Variants in TMEM132C observed in about 807,000 individuals in gnomAD.
TMEM132C encodes the protein transmembrane protein 132C, also known as protein phosphatase 1, regulatory subunit 152.
In TMEM132C, 29 loss-of-function variants were observed where a neutral mutation model predicts 61.4. The ratio of observed to expected loss-of-function variants is 0.47; its 90% CI spans 0.35 to 0.64. The LOEUF (loss-of-function observed/expected upper bound fraction) is 0.64. Among genes scored for constraint, TMEM132C ranks in the 30% least tolerant of loss-of-function variants. The pLI, the probability that TMEM132C is intolerant of heterozygous loss-of-function variation, is 0.00. For missense variants in TMEM132C, 1,408 were observed against 1,476.9 expected (o/e 0.95, Z 0.76); for synonymous variants, 656 against 633.1 (o/e 1.04, Z -0.54).
chr12:128,681,077 C>T (rs1244783237), intron 5 of TMEM132C, among the ~76,000 whole-genome samples: 1 of 152,128 alleles, frequency 6.6e-6, no homozygotes, highest in Non-Finnish European at 1.5e-5. Flanking sequence ...TCCTATCATT[C>T]CTGTCCCACT....
At chr12:128,627,537 A>G (rs898870772) in intron 4 of TMEM132C, among the ~76,000 whole-genome samples, 2 of 152,046 alleles carry the variant, frequency 1.3e-5, no homozygotes, top group African/African-American at 4.8e-5. Flanking sequence ...CTCCCACCAG[A>G]CACTCCCTGG....
chr12:128,645,525 C>A (rs1388542420), intron 4 of TMEM132C, among the ~76,000 whole-genome samples: 3 of 152,186 alleles, frequency 2.0e-5, no homozygotes, highest in African/African-American at 7.2e-5. Context: ...CCCCCAAATC[C>A]TCACTTGATG....
intron 1 of TMEM132C, among the ~76,000 whole-genome samples, chr12:128,318,139 A>G (rs955016050): frequency 1.3e-5 from 2 of 152,226 alleles, no homozygotes; most frequent in African/African-American, 4.8e-5. Context: ...CCTAACTCTT[A>G]CTGAGGAATG....
chr12:128,295,638 CAAAA>C (rs59555369), intron 1 of TMEM132C, among the ~76,000 whole-genome samples: 21 of 116,022 alleles, frequency 1.8e-4, no homozygotes, highest in Non-Finnish European at 2.5e-4. Context: ...TTAAGTCCTT[CAAAA>C]AAAAAAAAAA....
chr12:128,450,834 C>T (rs376102807), intron 2 of TMEM132C, among the ~76,000 whole-genome samples: 51 of 152,298 alleles, frequency 3.3e-4, no homozygotes, highest in African/African-American at 1.1e-3. Flanking sequence ...CTGATTATGA[C>T]GAGTTATTTT....
At chr12:128,267,957 A>G (rs1870369883) in intron 1 of TMEM132C, among the ~76,000 whole-genome samples, 1 of 152,190 alleles carries the variant, frequency 6.6e-6, no homozygotes, top group Non-Finnish European at 1.5e-5. Flanking sequence ...CTGGTGCTCC[A>G]GGAGGGAAGG....
intron 3 of TMEM132C, among the ~76,000 whole-genome samples, chr12:128,580,278 G>A (rs11832129): frequency 0.053 from 8,057 of 152,036 alleles, 602 homozygotes; most frequent in African/African-American, 0.17. Flanking sequence ...AAAATTAGCC[G>A]GACGTGGTGG....
At chr12:128,277,366 C>T (rs74856709) in intron 1 of TMEM132C, among the ~76,000 whole-genome samples, 1 of 152,310 alleles carries the variant, frequency 6.6e-6, no homozygotes, top group East Asian at 1.9e-4. Flanking sequence ...TTTGGAGAGG[C>T]CATCATTATC....
intron 2 of TMEM132C, among the ~76,000 whole-genome samples, chr12:128,517,233 CAAATAAATAAAT>C (rs59000862): frequency 9.8e-5 from 14 of 142,780 alleles, no homozygotes; most frequent in South Asian, 7.0e-4. Flanking sequence ...TCCGTCTCAA[CAAATAAATAAAT>C]AAATAAATAA....
chr12:128,621,632 A>G (rs561771195), intron 4 of TMEM132C, among the ~76,000 whole-genome samples: 9 of 152,308 alleles, frequency 5.9e-5, no homozygotes, highest in Non-Finnish European at 1.3e-4. Flanking sequence ...TTCATCCTCC[A>G]TCCGTGGTAC....
intron 1 of TMEM132C, among the ~76,000 whole-genome samples, chr12:128,287,684 T>C (rs548768377): frequency 1.2e-4 from 19 of 152,354 alleles, no homozygotes; most frequent in East Asian, 1.2e-3. Context: ...CTATTATGTA[T>C]CTGCCTCCTT....
In TMEM132C at chr12:128,598,385, A is replaced by G. The variant is rs111567581; in HGVS notation, c.1122-17767A>G. 5.2e-3 allele frequency among the ~76,000 whole-genome samples: 796 copies of G among 152,270 alleles called. 9 individuals are homozygous for G. Among genetic ancestry groups the G allele is most frequent in the African/African-American group, 0.018 (745 of 41,556 alleles). ...TGGGAGGCGGAGATTGCAGTGAGCC[A>G]AGATCAGGCCCCTGCACTCCAGCCA... is the stretch of plus-strand genomic sequence containing the variant. On this transcript the variant is annotated intron_variant, in intron 3 of 8. Transcript: ENST00000435159.
At chr12:128,493,294 GC>G (rs1396279712) in intron 2 of TMEM132C, among the ~76,000 whole-genome samples, 1 of 152,156 alleles carries the variant, frequency 6.6e-6, no homozygotes, top group Non-Finnish European at 1.5e-5. Context: ...GATGCCTCCA[GC>G]TTTGTTCCTT....
chr12:128,626,604 C>G (rs1226884178), intron 4 of TMEM132C, among the ~76,000 whole-genome samples: 1 of 151,420 alleles, frequency 6.6e-6, no homozygotes, highest in African/African-American at 2.4e-5. Context: ...GCCACTGTAT[C>G]CAGCTAATTT....
chr12:128,565,138 C>T (rs929015016), intron 3 of TMEM132C, among the ~76,000 whole-genome samples: 1 of 152,188 alleles, frequency 6.6e-6, no homozygotes, highest in Non-Finnish European at 1.5e-5. Flanking sequence ...TGGCAGAGCC[C>T]GCCTGGCAGA....
At chr12:128,457,057 G>A (rs943710851) in intron 2 of TMEM132C, among the ~76,000 whole-genome samples, 65 of 152,146 alleles carry the variant, frequency 4.3e-4, no homozygotes, top group Middle Eastern at 6.8e-3. Flanking sequence ...TTCATCTGGT[G>A]GCCTCCAGTT....
chr12:128,406,673 T>C (rs1875357127), intron 1 of TMEM132C, among the ~76,000 whole-genome samples: 1 of 152,098 alleles, frequency 6.6e-6, no homozygotes, highest in South Asian at 2.1e-4. Context: ...CGATAATAAA[T>C]TTAAAACTCT....
chr12:128,618,855 A>G (rs1876897453), intron 4 of TMEM132C, among the ~76,000 whole-genome samples: 1 of 152,226 alleles, frequency 6.6e-6, no homozygotes, highest in African/African-American at 2.4e-5. Flanking sequence ...AAACAGACTA[A>G]TACATGCAGT....
chr12:128,656,542 G>A (rs1000720996), intron 4 of TMEM132C, among the ~76,000 whole-genome samples: 4 of 152,240 alleles, frequency 2.6e-5, no homozygotes, highest in African/African-American at 9.6e-5. Flanking sequence ...GGACTAGACC[G>A]GTTCTCAACC....
Sources: allele counts gnomAD v4.1 joint callset (sites outside exome capture counted in the v4.1 genomes callset), GRCh38; gene constraint gnomAD v4.1.1; transcripts MANE v1.5; gene names NCBI Gene and HGNC (gene_info 2026-07-23, HGNC 2026-07-21).